Variants in CPEB1 observed in about 807,000 individuals in gnomAD.
The protein encoded by CPEB1 is cytoplasmic polyadenylation element-binding protein 1.
In CPEB1, 7 loss-of-function variants were observed where a neutral mutation model predicts 65.8. The ratio of observed to expected loss-of-function variants is 0.11; its 90% CI spans 0.06 to 0.20. The LOEUF is 0.20. Ranked by LOEUF, CPEB1 falls within the 10% of genes least tolerant of loss-of-function variation. CPEB1 has a pLI of 1.00. For missense variants in CPEB1, 551 were observed against 712.2 expected (o/e 0.77, Z 2.58); for synonymous variants, 262 against 260.0 (o/e 1.01, Z -0.08).
In CPEB1 at chr15:82,627,321, G is replaced by T; in HGVS notation, c.143C>A (p.Ala48Glu). The T allele has an allele frequency of 6.2e-7, 1 of 1,613,426 alleles. No homozygotes were observed. The highest frequency in any genetic ancestry group is 8.5e-7 in the Non-Finnish European group (1 of 1,179,622). ...ATTACTACACGTGGAGAGAGCAGGT[G>T]CTTCCTGGTTGTCCCAGCAATCTTT... is the stretch of plus-strand genomic sequence containing the variant. ...RIKDCWDNQE[A>E]PALSTCSNAN... Residue 48 changes from alanine (A) to glutamate (E), a missense_variant, in exon 3 of 13, where the codon GCA becomes GAA. Around this residue, in one of 6 missense-constraint regions of CPEB1, gnomAD observed 223 missense variants for 228.6 expected, o/e 0.98. Coordinates refer to ENST00000684509, the MANE Select transcript of CPEB1 (RefSeq NM_001365242.1).
intron 4 of CPEB1, among the ~76,000 whole-genome samples, chr15:82,563,357 CTTTTT>C (rs71453394): frequency 5.4e-5 from 5 of 92,074 alleles, no homozygotes; most frequent in South Asian, 4.5e-4. Context: ...CATCTCTATT[CTTTTT>C]TTTTTTTTTT....
chr15:82,609,150 A>G (rs1311753813), intron 3 of CPEB1, among the ~76,000 whole-genome samples: 1 of 152,218 alleles, frequency 6.6e-6, no homozygotes, highest in Non-Finnish European at 1.5e-5. Context: ...GAAACACACC[A>G]TACTAAAACT....
Position 82,547,197 on chromosome 15 carries a change from C to T in CPEB1, c.1521G>A (p.Leu507=). The T allele has an allele frequency of 6.2e-7, 1 of 1,612,752 alleles. No homozygotes were observed. Among genetic ancestry groups the T allele is most frequent in the Non-Finnish European group, 8.5e-7 (1 of 1,179,280 alleles). The stretch of plus-strand genomic sequence containing the variant: ...CCACAAAAGCAGCGCTGACTGCTTT[C>T]AGGTAACTCCGTTGGTTATTGAAAG... ...RVTFNNQRSY[L]KAVSAAFVEI... is the part of the protein sequence containing the mutation. Residue 507 remains leucine (L), a synonymous_variant, in exon 11 of 13, where the codon CTG becomes CTA. Coordinates refer to ENST00000684509, the MANE Select transcript of CPEB1 (RefSeq NM_001365242.1).
At chr15:82,544,748 C>A in intron 12 of CPEB1, 46 bp from the exon 13 acceptor site, 1 of 1,399,270 alleles carries the variant, frequency 7.1e-7, no homozygotes, top group East Asian at 2.3e-5. Flanking sequence ...TGTGTCAGCA[C>A]CAGACACAGG....
intron 3 of CPEB1, among the ~76,000 whole-genome samples, chr15:82,585,436 C>A (rs1343097533): frequency 6.6e-6 from 1 of 152,272 alleles, no homozygotes; most frequent in East Asian, 1.9e-4. Context: ...AATGAAACAT[C>A]ACATTCTCAC....
At chr15:82,619,867 C>A (rs1023310440) in intron 3 of CPEB1, among the ~76,000 whole-genome samples, 2 of 152,134 alleles carry the variant, frequency 1.3e-5, no homozygotes, top group Non-Finnish European at 2.9e-5. Flanking sequence ...CTGGCAGCAT[C>A]TCAAAGATAA....
intron 3 of CPEB1, among the ~76,000 whole-genome samples, chr15:82,626,130 A>C (rs1467238324): frequency 1.3e-5 from 2 of 150,968 alleles, no homozygotes; most frequent in African/African-American, 4.9e-5. Flanking sequence ...AAAAAAAAGA[A>C]AGAAAAACAA....
intron 5 of CPEB1, among the ~76,000 whole-genome samples, chr15:82,557,332 T>C (rs2037389771): frequency 6.6e-6 from 1 of 152,238 alleles, no homozygotes; most frequent in Non-Finnish European, 1.5e-5. Flanking sequence ...CTATCTCTGC[T>C]AATTACTACT....
intron 3 of CPEB1, among the ~76,000 whole-genome samples, chr15:82,579,156 T>C (rs2040972632): frequency 6.6e-6 from 1 of 152,064 alleles, no homozygotes; most frequent in Non-Finnish European, 1.5e-5. Flanking sequence ...AGACCTCAAT[T>C]TATGTCATTA....
intron 3 of CPEB1, among the ~76,000 whole-genome samples, chr15:82,599,469 C>T (rs897472467): frequency 6.6e-6 from 1 of 152,138 alleles, no homozygotes. Flanking sequence ...GGGACATCAT[C>T]TTAAAAGCAT....
At chr15:82,575,125 T>C (rs543003875) in intron 3 of CPEB1, among the ~76,000 whole-genome samples, 1 of 152,370 alleles carries the variant, frequency 6.6e-6, no homozygotes, top group South Asian at 2.1e-4. Flanking sequence ...CGTATCATTT[T>C]CACACCATCA....
Position 82,557,878 on chromosome 15 carries a change from G to A in CPEB1, c.569C>T (p.Pro190Leu), listed in dbSNP as rs2037501476. 1 of 1,613,976 alleles carries A rather than the reference G, an allele frequency of 6.2e-7. No individual in the cohort carries two copies. Among genetic ancestry groups the A allele is most frequent in the Admixed American group, 1.7e-5 (1 of 59,994 alleles). Residue 190 changes from proline to leucine, a missense_variant, in exon 5 of 13, where the codon CCC becomes CTC. By Grantham distance (98) the Pro-to-Leu change is moderately conservative. This residue lies in a region of CPEB1 where 223 missense variants were observed against 228.6 expected (regional missense o/e 0.98). Transcript: ENST00000684509. ...GSDLVDKFPAPSVRGSRLDTR... is the reference protein window; with the variant it reads ...GSDLVDKFPALSVRGSRLDTR... Reference sequence around the variant, plus strand: ...GTCCAGGCGTGATCCTCTAACTGAGGGTGCTGGAAACTTGTCCACCAAGTC... The same window carrying A: ...GTCCAGGCGTGATCCTCTAACTGAGAGTGCTGGAAACTTGTCCACCAAGTC...
At chr15:82,601,941 A>G (rs1236505091) in intron 3 of CPEB1, among the ~76,000 whole-genome samples, 1 of 152,234 alleles carries the variant, frequency 6.6e-6, no homozygotes, top group East Asian at 1.9e-4. Context: ...AGTAATTGAT[A>G]GAATAAGCAT....
At chr15:82,579,918 C>CAAA (rs59925251) in intron 3 of CPEB1, among the ~76,000 whole-genome samples, 1 of 32,680 alleles carries the variant, frequency 3.1e-5, no homozygotes, top group Non-Finnish European at 6.8e-5. Context: ...GACTCCGTCT[C>CAAA]AAAAAAAAAA....
rs2040023180 is a variant in CPEB1 at position 82,571,515 on chromosome 15, C to G, written c.289G>C (p.Glu97Gln). ...AAAAGCATCCTGCTTGTAACTGTTT[C>G]TTCAGAGTCCTGGAAGTCTGTTTTG... Reference protein sequence around the residue: ...DHLPDFQDSEETVTSRMLFPT... With the variant: ...DHLPDFQDSEQTVTSRMLFPT... The change falls in exon 4 of 13, where the codon GAA becomes CAA. Residue 97 changes from glutamate to glutamine, a missense_variant. Physicochemically the swap from Glu to Gln is conservative, Grantham distance 29 (BLOSUM62 2). Transcript: ENST00000684509. 1.2e-6 allele frequency: 2 copies of G among 1,613,814 alleles called. No individual in the cohort carries two copies. Among genetic ancestry groups the G allele is most frequent in the Non-Finnish European group, 1.7e-6 (2 of 1,179,814 alleles).
intron 3 of CPEB1, among the ~76,000 whole-genome samples, chr15:82,621,319 T>TA (rs72147191): frequency 5.5e-4 from 80 of 145,824 alleles, no homozygotes; most frequent in East Asian, 8.2e-4. Context: ...CCATGTCTCT[T>TA]AAAAAAAAAA....
chr15:82,619,249 C>T (rs1190520688), intron 3 of CPEB1, among the ~76,000 whole-genome samples: 1 of 152,174 alleles, frequency 6.6e-6, no homozygotes, highest in African/African-American at 2.4e-5. Flanking sequence ...GCTATCCACA[C>T]AGAACAAAAT....
chr15:82,565,991 A>G (rs920379150), intron 4 of CPEB1, among the ~76,000 whole-genome samples: 1 of 152,230 alleles, frequency 6.6e-6, no homozygotes, highest in African/African-American at 2.4e-5. Context: ...ATGCTACCTC[A>G]GAGGGTATAA....
rs2037500929 is a variant in CPEB1 at position 82,557,873 on chromosome 15, C to G, written c.574G>C (p.Val192Leu). Residue 192 changes from valine (V) to leucine (L), a missense_variant, in exon 5 of 13, where the codon GTT becomes CTT. Physicochemically the swap from Val to Leu is conservative, Grantham distance 32. Transcript: ENST00000684509. ...CGGGTGTCCAGGCGTGATCCTCTAA[C>G]TGAGGGTGCTGGAAACTTGTCCACC... ...DLVDKFPAPSVRGSRLDTRPI... is the reference protein window; with the variant it reads ...DLVDKFPAPSLRGSRLDTRPI... 6.2e-7 allele frequency: 1 copy of G among 1,614,010 alleles called. No individual in the cohort carries two copies. The highest frequency in any genetic ancestry group is 1.1e-5 in the South Asian group (1 of 91,080).
Sources: gnomAD v4.1 joint callset for allele counts (sites outside exome capture counted in the v4.1 genomes callset) on GRCh38, gnomAD v4.1.1 for gene constraint, gnomAD v4.1.1 regional missense constraint, MANE v1.5 for transcripts, NCBI Gene and HGNC (gene_info 2026-07-23, HGNC 2026-07-21) for gene names.